Variants in OSBPL5 observed in about 807,000 individuals in gnomAD.
OSBPL5 encodes the protein oxysterol binding protein like 5.
In OSBPL5, 71 loss-of-function variants were observed where a neutral mutation model predicts 111.2. The observed-to-expected ratio is 0.64, with a 90% CI of 0.53 to 0.78. OSBPL5 has a LOEUF of 0.78. Among genes scored for constraint, OSBPL5 ranks in the 30% least tolerant of loss-of-function variants. The probability of loss-of-function intolerance (pLI) is 0.00; values close to 1 mark genes in which losing one functional copy is unlikely to be tolerated. For missense variants in OSBPL5, 1,210 were observed against 1,189.3 expected, an observed-to-expected ratio of 1.02 and a Z score of -0.26; for synonymous variants, 549 against 513.9, an observed-to-expected ratio of 1.07 and a Z score of -0.93.
At chr11:3,151,229 T>C (rs577504445) in intron 1 of OSBPL5, among the ~76,000 whole-genome samples, 115 of 152,278 alleles carry the variant, frequency 7.6e-4, no homozygotes, top group African/African-American at 2.6e-3. Flanking sequence ...AGCGCAGCCC[T>C]GCCGGCACTG....
chr11:3,128,095 A>G (rs965090086), intron 2 of OSBPL5, among the ~76,000 whole-genome samples: 2 of 152,236 alleles, frequency 1.3e-5, no homozygotes, highest in Admixed American at 6.5e-5. Context: ...CCTGCCTGCC[A>G]TAGCACCTTC....
intron 21 of OSBPL5, 132 bp from the exon 22 acceptor site, chr11:3,088,475 C>T: frequency 1.9e-6 from 2 of 1,067,998 alleles, no homozygotes; most frequent in Non-Finnish European, 2.5e-6. Flanking sequence ...GGATGGCCCT[C>T]CAGGGGCAAC....
intron 21 of OSBPL5, among the ~76,000 whole-genome samples, 180 bp from the exon 22 acceptor site, chr11:3,088,523 C>T (rs1856951954): frequency 6.6e-6 from 1 of 152,078 alleles, no homozygotes; most frequent in African/African-American, 2.4e-5. Flanking sequence ...AGTGGGAGGG[C>T]CCCACAGCAC....
rs1424712487 is a variant in OSBPL5 at position 3,089,836 on chromosome 11, T to C, written c.2501+10A>G. On this transcript the variant is annotated intron_variant, in intron 21 of 21. Coordinates refer to ENST00000263650, the MANE Select transcript of OSBPL5 (RefSeq NM_020896.4). The stretch of plus-strand genomic sequence containing the variant: ...CCGGAGTCTGGATGGACACCCTGAG[T>C]GTGGCCCACCTGTGCAGCTCCTGCT... The C allele has an allele frequency of 6.4e-7, 1 of 1,553,870 alleles. No individual in the cohort carries two copies. The highest frequency in any genetic ancestry group is 8.7e-7 in the Non-Finnish European group (1 of 1,148,784).
chr11:3,122,342 G>A lies in OSBPL5; in HGVS notation c.300+6C>T. 1.2e-6 allele frequency: 2 copies of A among 1,612,518 alleles called. No homozygotes were observed. The highest frequency in any genetic ancestry group is 1.7e-6 in the Non-Finnish European group (2 of 1,179,384). ...ACTGCTGCACCCTCCCCGGGCCCGG[G>A]CTCACCTTGAGAGTCTCCTTCTTGG... On this transcript the variant is annotated splice_donor_region_variant and intron_variant, in intron 4 of 21. Transcript: ENST00000263650.
At chr11:3,153,815 C>T (rs925110518) in intron 1 of OSBPL5, among the ~76,000 whole-genome samples, 3 of 152,236 alleles carry the variant, frequency 2.0e-5, no homozygotes, top group Admixed American at 6.5e-5. Context: ...CTGCGGGTGA[C>T]GGGTGGGTGT....
At position 3,094,223 on chromosome 11, in the gene OSBPL5, G is replaced by A. The variant is rs1428761805; in HGVS notation, c.1719+14C>T. 3.1e-6 allele frequency: 5 copies of A among 1,611,478 alleles called. No homozygotes were observed. The highest frequency in any genetic ancestry group is 2.7e-5 in the African/African-American group (2 of 74,916). On this transcript the variant is annotated intron_variant, in intron 15 of 21. Transcript: ENST00000263650. The stretch of plus-strand genomic sequence containing the variant: ...TCCCTGGCCTCGTCTCCCCCAGGCT[G>A]CAGCCAGCGCTACCTTGAGTTTGAA...
At chr11:3,103,940 C>T (rs555770009) in intron 10 of OSBPL5, among the ~76,000 whole-genome samples, 3 of 146,396 alleles carry the variant, frequency 2.0e-5, no homozygotes, top group Admixed American at 6.8e-5. Flanking sequence ...CCATCCAGCT[C>T]GAGGGTGCAG....
In OSBPL5 at chr11:3,121,510, T is replaced by G. The variant is rs1858416115; in HGVS notation, c.402+487A>C. 6.6e-6 allele frequency among the ~76,000 whole-genome samples: 1 copy of G among 152,120 alleles called. No individual in the cohort carries two copies. The highest frequency in any genetic ancestry group is 2.1e-4 in the South Asian group (1 of 4,824). On this transcript the variant is annotated intron_variant, in intron 5 of 21. Transcript: ENST00000263650. The surrounding 1 kb of genome is among the most constrained non-coding windows in gnomAD (Gnocchi z 4.3). ...CAGACACCAGGGCTGGGCACACTTATCTGGTATGCGTTGCCCAGCAGCCTC... is the reference window on the plus strand; with the variant it reads ...CAGACACCAGGGCTGGGCACACTTAGCTGGTATGCGTTGCCCAGCAGCCTC...
At chr11:3,111,296 A>G (rs1003225709) in intron 7 of OSBPL5, among the ~76,000 whole-genome samples, 5 of 152,072 alleles carry the variant, frequency 3.3e-5, no homozygotes, top group Non-Finnish European at 5.9e-5. Context: ...ATGACGATGG[A>G]AGGCAGGTAA....
chr11:3,105,117 C>T lies in OSBPL5; in HGVS notation c.1060-740G>A, dbSNP rs1400923691. On this transcript the variant is annotated intron_variant, in intron 9 of 21. Transcript: ENST00000263650. The surrounding 1 kb of genome is among the most constrained non-coding windows in gnomAD (Gnocchi z 5.2). ...TGCACCTCACCGCAGCCCCAGGGAA[C>T]GGGGACCCTGGTCCTCCCCCTCCAC... Among the ~76,000 whole-genome samples the T allele has an allele frequency of 1.3e-5, 2 of 152,146 alleles. No individual in the cohort carries two copies. The highest frequency in any genetic ancestry group is 2.4e-5 in the African/African-American group (1 of 41,442).
chr11:3,100,229 C>G lies in OSBPL5; in HGVS notation c.1550G>C (p.Gly517Ala). Residue 517 changes from glycine (G) to alanine (A), a missense_variant, in exon 14 of 22, where the codon GGC becomes GCC. Physicochemically the swap from Gly to Ala is moderately conservative, Grantham distance 60 (BLOSUM62 0). Coordinates refer to ENST00000263650, the MANE Select transcript of OSBPL5 (RefSeq NM_020896.4). ...YGNSLSALLD[G>A]KATLTFLNRA... ...GTTCAGGAAGGTGAGCGTGGCTTTG[C>G]CGTCCAGCAGCGCCGACAGCGAGTT... 1 of 1,613,988 alleles carries G rather than the reference C, an allele frequency of 6.2e-7. No homozygotes were observed. The highest frequency in any genetic ancestry group is 8.5e-7 in the Non-Finnish European group (1 of 1,179,966).
At chr11:3,147,949 C>T (rs1388666610) in intron 1 of OSBPL5, among the ~76,000 whole-genome samples, 1 of 152,162 alleles carries the variant, frequency 6.6e-6, no homozygotes, top group East Asian at 1.9e-4. Flanking sequence ...CCTCGGTTCC[C>T]AGGACCTCTG....
Position 3,121,750 on chromosome 11 carries a change from CA to C in OSBPL5, c.402+246del, listed in dbSNP as rs1193250916. 5.5e-6 allele frequency: 3 copies of C among 544,536 alleles called. No homozygotes were observed. The highest frequency in any genetic ancestry group is 1.9e-5 in the African/African-American group (1 of 52,746). The allele number at this position is 544,536 out of a possible 1,614,324, so 33.7% of individuals were successfully genotyped here. ...GAAATGGGGTCTTTGCAGACATAAT[CA>C]GGTGAAGATGGGGCTACACTGGAGT... On this transcript the variant is annotated intron_variant, in intron 5 of 21. Transcript: ENST00000263650. This position sits in a 1 kb window ranked among gnomAD's most constrained non-coding sequence, Gnocchi z 4.3.
In OSBPL5 at chr11:3,105,146, G is replaced by T. The variant is rs1244680900; in HGVS notation, c.1060-769C>A. On this transcript the variant is annotated intron_variant, in intron 9 of 21. Coordinates refer to ENST00000263650, the MANE Select transcript of OSBPL5 (RefSeq NM_020896.4). This position sits in a 1 kb window ranked among gnomAD's most constrained non-coding sequence, Gnocchi z 5.2. ...GACCCTGGTCCTCCCCCTCCACAGA[G>T]GGGACAAGTGACTTGTCCAAGGTCA... 6.6e-6 allele frequency among the ~76,000 whole-genome samples: 1 copy of T among 152,176 alleles called. No homozygotes were observed. The highest frequency in any genetic ancestry group is 1.5e-5 in the Non-Finnish European group (1 of 68,032).
At chr11:3,157,937 C>T (rs1846832008) in intron 1 of OSBPL5, among the ~76,000 whole-genome samples, 1 of 152,224 alleles carries the variant, frequency 6.6e-6, no homozygotes, top group South Asian at 2.1e-4. Context: ...GGCCAAGCAC[C>T]CTTGGGTGCC....
intron 1 of OSBPL5, among the ~76,000 whole-genome samples, chr11:3,156,859 T>G (rs939402777): frequency 5.1e-4 from 77 of 152,330 alleles, no homozygotes; most frequent in African/African-American, 1.7e-3. Flanking sequence ...AGACTGGCCC[T>G]GCAATGGCCC....
intron 14 of OSBPL5, among the ~76,000 whole-genome samples, chr11:3,095,310 CAAAAA>C (rs60973769): frequency 1.9e-5 from 2 of 105,696 alleles, no homozygotes; most frequent in Admixed American, 1.0e-4. Context: ...GACTCTGTCT[CAAAAA>C]AAAAAAAAAA....
In OSBPL5 at chr11:3,146,430, G is replaced by C. The variant is rs1207154072; in HGVS notation, c.-21-17261C>G. Reference sequence around the variant, plus strand: ...CTACAGGATTTGGGGGTACCTCTGAGAGTGGGGGACGGAGAGAATGCAGGT... The same window carrying C: ...CTACAGGATTTGGGGGTACCTCTGACAGTGGGGGACGGAGAGAATGCAGGT... On this transcript the variant is annotated intron_variant, in intron 1 of 21. Coordinates refer to ENST00000263650, the MANE Select transcript of OSBPL5 (RefSeq NM_020896.4). The surrounding 1 kb of genome is among the most constrained non-coding windows in gnomAD (Gnocchi z 7.8). 5 of 152,478 alleles carry C rather than the reference G, an allele frequency of 3.3e-5. No individual in the cohort carries two copies. Among genetic ancestry groups the C allele is most frequent in the Admixed American group, 6.5e-5 (1 of 15,274 alleles). 9.4% of individuals were successfully genotyped at this position (152,478 alleles called of 1,614,324 possible). A position where few individuals can be genotyped will look rare whatever the true frequency, so the allele number is the denominator to read the frequency against.
Sources: gnomAD v4.1 joint callset for allele counts (sites outside exome capture counted in the v4.1 genomes callset) on GRCh38, gnomAD v4.1.1 for gene constraint, Gnocchi (gnomAD v3.1) non-coding constraint, MANE v1.5 for transcripts, NCBI Gene and HGNC (gene_info 2026-07-23, HGNC 2026-07-21) for gene names.